Variants in RBFOX1 observed in about 807,000 individuals in gnomAD.
RBFOX1 encodes the protein RNA binding fox-1 homolog 1, also known as RNA binding protein fox-1 homolog 1.
In RBFOX1, 8 loss-of-function variants were observed where a neutral mutation model predicts 57.7. The observed-to-expected ratio is 0.14, with a 90% CI of 0.08 to 0.25. The LOEUF (loss-of-function observed/expected upper bound fraction) is 0.25, where lower values mean the gene tolerates loss of function less well. Among genes scored for constraint, RBFOX1 ranks in the 10% least tolerant of loss-of-function variants. The pLI is 1.00. For synonymous variants in RBFOX1, 326 were observed against 222.4 expected (o/e 1.47, Z -4.15); for missense variants, 611 against 548.5 (o/e 1.11, Z -1.14).
intron 4 of RBFOX1, among the ~76,000 whole-genome samples, chr16:7,117,796 T>C (rs927703319): frequency 6.6e-6 from 1 of 152,130 alleles, no homozygotes; most frequent in Non-Finnish European, 1.5e-5. Context: ...CAGGACTGGG[T>C]TCTCATTAGA....
chr16:5,727,836 C>T (rs867023697), intron 3 of RBFOX1, among the ~76,000 whole-genome samples: 2 of 152,046 alleles, frequency 1.3e-5, no homozygotes, highest in Admixed American at 6.6e-5. Flanking sequence ...TACAGGTGTG[C>T]GCCACCATGC....
At chr16:7,270,109 C>T (rs1172983135) in intron 4 of RBFOX1, among the ~76,000 whole-genome samples, 2 of 152,190 alleles carry the variant, frequency 1.3e-5, no homozygotes, top group East Asian at 3.9e-4. Flanking sequence ...GAAGCTAATA[C>T]TTCTCGTTGA....
chr16:6,731,500 C>G (rs943946623), intron 3 of RBFOX1, among the ~76,000 whole-genome samples: 7 of 152,126 alleles, frequency 4.6e-5, no homozygotes, highest in African/African-American at 1.2e-4. Flanking sequence ...GTATCTGTGT[C>G]TCAGTTCTTG....
At position 5,840,507 on chromosome 16, in the gene RBFOX1, C is replaced by G. The variant is rs2056593069; in HGVS notation, c.319-26796C>G. On this transcript the variant is annotated intron_variant, in intron 3 of 19. Coordinates refer to the RBFOX1 transcript ENST00000641259. Reference sequence around the variant, plus strand: ...TGGCTCTACACCTCTCCTGTGCCTTCAGAACACCAGGAACACAGCTCCCCC... The same window carrying G: ...TGGCTCTACACCTCTCCTGTGCCTTGAGAACACCAGGAACACAGCTCCCCC... Among the ~76,000 whole-genome samples the G allele has an allele frequency of 1.3e-5, 2 of 152,146 alleles. 1 individual carries two copies. Among genetic ancestry groups the G allele is most frequent in the South Asian group, 4.2e-4 (2 of 4,818 alleles).
In RBFOX1 at chr16:6,821,421, A is replaced by G. The variant is rs1458643375; in HGVS notation, c.-16+166771A>G. Among the ~76,000 whole-genome samples the G allele has an allele frequency of 5.9e-5, 9 of 152,322 alleles. No individual in the cohort carries two copies. In the East Asian group the frequency reaches 1.5e-3, roughly 26 times the overall value. On this transcript the variant is annotated intron_variant, in intron 3 of 15. Coordinates refer to ENST00000550418, the MANE Select transcript of RBFOX1 (RefSeq NM_018723.4). Reference sequence around the variant, plus strand: ...GGTGTATTCCACATAACTGATATCAATTATTTTTAAGTGAACAATTCAGTG... The same window carrying G: ...GGTGTATTCCACATAACTGATATCAGTTATTTTTAAGTGAACAATTCAGTG...
chr16:5,298,163 G>C (rs1298843552), intron 1 of RBFOX1, among the ~76,000 whole-genome samples: 1 of 152,166 alleles, frequency 6.6e-6, no homozygotes, highest in Non-Finnish European at 1.5e-5. Flanking sequence ...TAGATATTCT[G>C]ATGGTTTAAG....
chr16:6,435,901 A>G (rs536987366), intron 2 of RBFOX1, among the ~76,000 whole-genome samples: 2 of 152,278 alleles, frequency 1.3e-5, no homozygotes, highest in African/African-American at 4.8e-5. Flanking sequence ...GATCTGTGAC[A>G]CACACCATGA....
rs193281573 is a variant in RBFOX1, at chr16:6,918,031, A to G, written c.-15-134026A>G. On this transcript the variant is annotated intron_variant, in intron 3 of 15. Transcript: ENST00000550418. ...GCCAGGTACATTAGCTCACGCCTGT[A>G]ATCCCAGCACTTTGGGAGGTCGAGG... 1.4e-3 allele frequency among the ~76,000 whole-genome samples: 213 copies of G among 152,298 alleles called. 5 individuals are homozygous for G. The highest frequency in any genetic ancestry group is 0.014 in the Admixed American group (212 of 15,296).
intron 11 of RBFOX1, among the ~76,000 whole-genome samples, chr16:7,642,236 GA>G (rs1367946820): frequency 6.6e-6 from 1 of 152,214 alleles, no homozygotes; most frequent in African/African-American, 2.4e-5. Flanking sequence ...CTCTGGCTCA[GA>G]TATCAGGCAG....
At chr16:7,304,990 T>G (rs1219007923) in intron 4 of RBFOX1, among the ~76,000 whole-genome samples, 3 of 150,026 alleles carry the variant, frequency 2.0e-5, no homozygotes, top group Non-Finnish European at 4.4e-5. Flanking sequence ...CTATATTCGG[T>G]CCGCATGGGA....
chr16:6,475,375 C>T (rs78836227), intron 2 of RBFOX1, among the ~76,000 whole-genome samples: 14 of 152,256 alleles, frequency 9.2e-5, no homozygotes, highest in African/African-American at 3.4e-4. Flanking sequence ...TGCAATAATT[C>T]TGTTTCTTGC....
At chr16:6,606,185 T>C (rs954787108) in intron 2 of RBFOX1, among the ~76,000 whole-genome samples, 1 of 152,152 alleles carries the variant, frequency 6.6e-6, no homozygotes, top group Non-Finnish European at 1.5e-5. Flanking sequence ...TGTGGGGAGA[T>C]AGGCAGAGAC....
intron 10 of RBFOX1, among the ~76,000 whole-genome samples, chr16:7,613,099 C>A (rs1220491092): frequency 5.9e-5 from 9 of 152,104 alleles, no homozygotes; most frequent in African/African-American, 2.4e-5. Context: ...GAGATACATA[C>A]AATTAAAGTA....
intron 4 of RBFOX1, among the ~76,000 whole-genome samples, chr16:7,299,487 A>G (rs1195567852): frequency 6.6e-6 from 1 of 152,184 alleles, no homozygotes; most frequent in African/African-American, 2.4e-5. Context: ...TCTAATCTCG[A>G]TCCTGTCATT....
chr16:6,986,443 C>G (rs2153601355), intron 3 of RBFOX1, among the ~76,000 whole-genome samples: 1 of 152,204 alleles, frequency 6.6e-6, no homozygotes, highest in Admixed American at 6.5e-5. Context: ...AAGTGATCCC[C>G]CTGCCTCAGC....
At chr16:6,948,172 C>G (rs1215517962) in intron 3 of RBFOX1, among the ~76,000 whole-genome samples, 1 of 151,938 alleles carries the variant, frequency 6.6e-6, no homozygotes, top group Admixed American at 6.6e-5. Context: ...TGGCTCATAC[C>G]TGTAATCCCA....
intron 2 of RBFOX1, among the ~76,000 whole-genome samples, chr16:6,519,257 G>T (rs2096453999): frequency 6.6e-6 from 1 of 152,150 alleles, no homozygotes; most frequent in East Asian, 1.9e-4. Flanking sequence ...AGTGCTCTGT[G>T]CACCAGAAAG....
chr16:5,484,782 G>A (rs2069668006), intron 2 of RBFOX1, among the ~76,000 whole-genome samples: 1 of 151,702 alleles, frequency 6.6e-6, no homozygotes, highest in Non-Finnish European at 1.5e-5. Flanking sequence ...CGTGGTGGCG[G>A]GCACCTGTAG....
At chr16:7,467,154 GA>G (rs1484037620) in intron 4 of RBFOX1, among the ~76,000 whole-genome samples, 3 of 152,202 alleles carry the variant, frequency 2.0e-5, no homozygotes, top group African/African-American at 7.2e-5. Context: ...GTATCTTCTA[GA>G]GAGGAAATCA....
Sources: allele counts gnomAD v4.1 joint callset (sites outside exome capture counted in the v4.1 genomes callset), GRCh38; gene constraint gnomAD v4.1.1; transcripts MANE v1.5; gene names NCBI Gene and HGNC (gene_info 2026-07-23, HGNC 2026-07-21).